Variants in ADD2 observed in about 807,000 individuals in gnomAD.
The protein encoded by ADD2 is adducin 2.
ADD2 carries 23 observed loss-of-function variants against 83.0 expected under a neutral mutation model. The observed-to-expected ratio is 0.28, with a 90% confidence interval of 0.20 to 0.39. The LOEUF (loss-of-function observed/expected upper bound fraction) is 0.39, where lower values mean the gene tolerates loss of function less well. Among genes scored for constraint, ADD2 ranks in the 10% least tolerant of loss-of-function variants. The probability of loss-of-function intolerance (pLI) is 1.00; values close to 1 mark genes in which losing one functional copy is unlikely to be tolerated. For synonymous variants in ADD2, 375 were observed against 375.4 expected, an observed-to-expected ratio of 1.00 and a Z score of 0.01; for missense variants, 758 against 944.9, an observed-to-expected ratio of 0.80 and a Z score of 2.59.
intron 4 of ADD2, among the ~76,000 whole-genome samples, chr2:70,702,442 C>T (rs1671638957): frequency 6.6e-6 from 1 of 152,198 alleles, no homozygotes; most frequent in South Asian, 2.1e-4. Flanking sequence ...GCTGGGATTA[C>T]AGGCATGAAC....
intron 6 of ADD2, among the ~76,000 whole-genome samples, chr2:70,694,293 C>T (rs574681164): frequency 2.2e-4 from 33 of 152,304 alleles, no homozygotes; most frequent in African/African-American, 5.8e-4. Flanking sequence ...CATAGAGGCC[C>T]GGAATTTCCT....
intron 1 of ADD2, among the ~76,000 whole-genome samples, chr2:70,755,597 T>C (rs1159076564): frequency 1.3e-5 from 2 of 152,174 alleles, no homozygotes; most frequent in Non-Finnish European, 2.9e-5. Flanking sequence ...ACTGATGAGC[T>C]GGGTTGAACG....
At chr2:70,756,930 G>A (rs1225181833) in intron 1 of ADD2, among the ~76,000 whole-genome samples, 2 of 152,072 alleles carry the variant, frequency 1.3e-5, no homozygotes, top group African/African-American at 2.4e-5. Flanking sequence ...CCAGGTTCAC[G>A]CGATTCTCCT....
chr2:70,674,687 C>G lies in ADD2; in HGVS notation c.1732G>C (p.Glu578Gln), dbSNP rs1194039721. The part of the protein sequence containing the change: ...YKKEVERKKL[E>Q]LDGEKETAPE... ...CCTCAGGGTCATTTACCATCAAGTTCTAGTTTCTTCCTCTCCACCTCTTTC... is the reference window on the plus strand; with the variant it reads ...CCTCAGGGTCATTTACCATCAAGTTGTAGTTTCTTCCTCTCCACCTCTTTC... Residue 578 changes from glutamate to glutamine, a missense_variant, in exon 14 of 16, where the codon GAA becomes CAA. Around this residue, in one of 5 missense-constraint regions of ADD2, gnomAD observed 14 missense variants for 36.2 expected, o/e 0.39. Transcript: ENST00000264436. 17 of 1,613,552 alleles carry G rather than the reference C, an allele frequency of 1.1e-5. No individual in the cohort carries two copies. The highest frequency in any genetic ancestry group is 1.4e-5 in the Non-Finnish European group (16 of 1,179,806).
rs1310602417 is a variant in ADD2 at position 70,675,549 on chromosome 2, G to A, written c.1594-724C>T. The A allele has an allele frequency of 5.1e-6, 5 of 985,310 alleles. No individual in the cohort carries two copies. In the African/African-American group the frequency reaches 8.7e-5, roughly 17 times the overall value. 61.0% of individuals were successfully genotyped at this position (985,310 alleles called of 1,614,324 possible). On this transcript the variant is annotated intron_variant, in intron 13 of 15. Transcript: ENST00000264436. ...TCTTTGACCCCTCTAGCCCAAGATA[G>A]GAACTAAAATTCAGACTCCACAGCC...
At chr2:70,722,882 G>C (rs1261655557) in intron 1 of ADD2, among the ~76,000 whole-genome samples, 1 of 152,300 alleles carries the variant, frequency 6.6e-6, no homozygotes, top group Admixed American at 6.5e-5. Context: ...TCTCCAGGGG[G>C]ACATAGTACA....
chr2:70,741,742 C>G (rs2104501829), intron 1 of ADD2, among the ~76,000 whole-genome samples: 1 of 152,310 alleles, frequency 6.6e-6, no homozygotes, highest in South Asian at 2.1e-4. Flanking sequence ...AGGACCCACA[C>G]ACACACTGAA....
At chr2:70,669,709 G>A (rs1275348272) in intron 15 of ADD2, among the ~76,000 whole-genome samples, 2 of 152,216 alleles carry the variant, frequency 1.3e-5, no homozygotes, top group African/African-American at 4.8e-5. Context: ...CCACAAAGCA[G>A]GCCTCAGGCC....
chr2:70,761,153 C>A (rs1276988644), intron 1 of ADD2, among the ~76,000 whole-genome samples: 3 of 150,668 alleles, frequency 2.0e-5, no homozygotes, highest in Admixed American at 1.3e-4. Context: ...AACTCTCAGT[C>A]TAGATAGCAG....
chr2:70,666,003 A>G (rs1027400052), intron 15 of ADD2, among the ~76,000 whole-genome samples: 1 of 152,052 alleles, frequency 6.6e-6, no homozygotes, highest in Non-Finnish European at 1.5e-5. Flanking sequence ...TTTAGTAGAG[A>G]TGGGGTTTCA....
chr2:70,670,755 A>G (rs4420723), intron 15 of ADD2, among the ~76,000 whole-genome samples: 22,703 of 152,140 alleles, frequency 0.15, 1,852 homozygotes, highest in African/African-American at 0.23. Flanking sequence ...CCAGGAGTCC[A>G]GCAAGCCTGT....
chr2:70,666,743 A>T (rs572509068), intron 15 of ADD2, among the ~76,000 whole-genome samples: 58 of 152,050 alleles, frequency 3.8e-4, no homozygotes, highest in African/African-American at 1.4e-3. Flanking sequence ...CAACAGCCTC[A>T]GCCCCTGGTG....
In ADD2 at chr2:70,659,145, T is replaced by TAAAAAAAAAAAAAAAAAAA. The variant is rs56006250; in HGVS notation, c.*4261_*4279dup. On this transcript the variant is annotated 3_prime_UTR_variant, in exon 16 of 16. Coordinates refer to ENST00000264436, the MANE Select transcript of ADD2 (RefSeq NM_001617.4). ...GGGCAACAAAGAGCAAAGCTCCGTC[T>TAAAAAAAAAAAAAAAAAAA]AAAAAAAAAAAAAAAAAAAAAAAAA... is the stretch of plus-strand genomic sequence containing the variant. 5.4e-5 allele frequency: 4 copies of TAAAAAAAAAAAAAAAAAAA among 74,692 alleles called. No homozygotes were observed. The highest frequency in any genetic ancestry group is 8.5e-3 in the Middle Eastern group (1 of 118). 4.6% of individuals were successfully genotyped at this position (74,692 alleles called of 1,614,324 possible).
intron 4 of ADD2, among the ~76,000 whole-genome samples, chr2:70,702,368 T>A (rs1671635312): frequency 6.6e-6 from 1 of 152,100 alleles, no homozygotes; most frequent in Non-Finnish European, 1.5e-5. Flanking sequence ...GGTGTCACCA[T>A]GTTGGCCGGG....
Position 70,662,086 on chromosome 2 carries a change from G to A in ADD2, c.*1339C>T, listed in dbSNP as rs1472807184. 2 of 152,176 alleles carry A rather than the reference G, an allele frequency of 1.3e-5. No homozygotes were observed. The highest frequency in any genetic ancestry group is 2.9e-5 in the Non-Finnish European group (2 of 68,020). The allele number at this position is 152,176 out of a possible 1,614,324, so 9.4% of individuals were successfully genotyped here. On this transcript the variant is annotated 3_prime_UTR_variant, in exon 16 of 16. Coordinates refer to ENST00000264436, the MANE Select transcript of ADD2 (RefSeq NM_001617.4). ...TAAGAACTTTCAAAAATATTTTCACGATAGTCAGATCAAAAGGAAAAATAT... is the reference window on the plus strand; with the variant it reads ...TAAGAACTTTCAAAAATATTTTCACAATAGTCAGATCAAAAGGAAAAATAT...
rs143294710 is a variant in ADD2, at chr2:70,709,250, T to C, written c.-34-2808A>G. ...CCAGCACCACACTTACCAGCGGTGT[T>C]GACAAAATATTTGATAATAGGGGAC... On this transcript the variant is annotated intron_variant, in intron 2 of 15. Transcript: ENST00000264436. Among the ~76,000 whole-genome samples the C allele has an allele frequency of 4.5e-3, 684 of 151,130 alleles. 5 individuals carry two copies. The highest frequency in any genetic ancestry group is 0.016 in the African/African-American group (640 of 41,010).
chr2:70,764,514 GC>G (rs1553385620), intron 1 of ADD2, among the ~76,000 whole-genome samples: 1 of 151,906 alleles, frequency 6.6e-6, no homozygotes, highest in African/African-American at 2.4e-5. Flanking sequence ...CACCAGGCCT[GC>G]CCATGGCTCA....
chr2:70,665,819 T>G (rs1258014347), intron 15 of ADD2, among the ~76,000 whole-genome samples: 2 of 69,816 alleles, frequency 2.9e-5, no homozygotes, highest in Non-Finnish European at 5.8e-5. Context: ...TGTTTTTTTG[T>G]TTTTTTTTTT....
chr2:70,675,362 G>GT lies in ADD2; in HGVS notation c.1594-538dup, dbSNP rs1434805468. 18 of 985,908 alleles carry GT rather than the reference G, an allele frequency of 1.8e-5. No individual in the cohort carries two copies. The Middle Eastern group carries it at 1.5e-3, about 85-fold the overall frequency. The allele number at this position is 985,908 out of a possible 1,614,324, so 61.1% of individuals were successfully genotyped here. A position where few individuals can be genotyped will look rare whatever the true frequency, so the allele number is the denominator to read the frequency against. On this transcript the variant is annotated intron_variant, in intron 13 of 15. Coordinates refer to ENST00000264436, the MANE Select transcript of ADD2 (RefSeq NM_001617.4). The stretch of plus-strand genomic sequence containing the variant: ...TGTTAGTCCTGTTTCACACACAGTT[G>GT]TAAGTGACAAAGGGGCCAAGGTTCC...
Sources: gnomAD v4.1 joint callset for allele counts (sites outside exome capture counted in the v4.1 genomes callset) on GRCh38, gnomAD v4.1.1 for gene constraint, gnomAD v4.1.1 regional missense constraint, MANE v1.5 for transcripts, NCBI Gene and HGNC (gene_info 2026-07-23, HGNC 2026-07-21) for gene names.